Variants in MCF2L observed in about 807,000 individuals in gnomAD.
MCF2L encodes the protein MCF.2 cell line derived transforming sequence like.
MCF2L carries 97 observed loss-of-function variants against 153.4 expected under a neutral mutation model. The observed-to-expected ratio is 0.63, with a 90% CI of 0.54 to 0.75. MCF2L has a LOEUF of 0.75. Ranked by LOEUF, MCF2L falls within the 30% of genes least tolerant of loss-of-function variation. The pLI, the probability that MCF2L is intolerant of heterozygous loss-of-function variation, is 0.00. For missense variants in MCF2L, 1,347 were observed against 1,495.2 expected (o/e 0.90, Z 1.64); for synonymous variants, 659 against 632.2 (o/e 1.04, Z -0.64).
chr13:113,079,620 A>G (rs2033880917), intron 15 of MCF2L, among the ~76,000 whole-genome samples: 1 of 152,196 alleles, frequency 6.6e-6, no homozygotes, highest in Non-Finnish European at 1.5e-5. Context: ...ACGGCGCAAA[A>G]TTGGGAATTA....
rs146232056 is a variant in MCF2L at position 113,015,358 on chromosome 13, G to A, written c.163+512G>A. 2.6e-3 allele frequency among the ~76,000 whole-genome samples: 401 copies of A among 152,310 alleles called. 2 individuals are homozygous for A. Among genetic ancestry groups the A allele is most frequent in the African/African-American group, 8.9e-3 (371 of 41,568 alleles). ...AGTGGCCCCGAGCTATGTAGATGCC[G>A]TTCTTATGTGAACAAATCTGCCCAA... On this transcript the variant is annotated intron_variant, in intron 2 of 29. Coordinates refer to ENST00000535094, the MANE Select transcript of MCF2L (RefSeq NM_001112732.3).
intron 2 of MCF2L, among the ~76,000 whole-genome samples, chr13:113,018,875 A>G (rs2084703756): frequency 6.6e-6 from 1 of 152,116 alleles, no homozygotes. Context: ...GCTCTTGGGA[A>G]TTTCGTTTTG....
At chr13:112,920,955 C>T (rs1339461638) in intron 2 of MCF2L, among the ~76,000 whole-genome samples, 1 of 151,384 alleles carries the variant, frequency 6.6e-6, no homozygotes, top group African/African-American at 2.4e-5. Flanking sequence ...ATCACGAGGT[C>T]AGGAGATTGA....
chr13:113,088,590 G>A lies in MCF2L; in HGVS notation c.2796G>A (p.Gln932=), dbSNP rs1434684803. 3 of 1,610,118 alleles carry A rather than the reference G, an allele frequency of 1.9e-6. No individual in the cohort carries two copies. In the African/African-American group the frequency reaches 4.0e-5, roughly 21 times the overall value. Residue 932 remains glutamine, a synonymous_variant, in exon 25 of 30, where the codon CAG becomes CAA. Coordinates refer to ENST00000535094, the MANE Select transcript of MCF2L (RefSeq NM_001112732.3). ...CCAGCCAGCACCGGGCGCTGGAGCA[G>A]TCACAGAGCCTGCCCCTGCCGGCCC... ...REASQHRALE[Q]SQSLPLPAPT...
chr13:113,001,364 G>A (rs1487912345), intron 1 of MCF2L: 1 of 152,522 alleles, frequency 6.6e-6, no homozygotes, highest in Non-Finnish European at 1.5e-5. Flanking sequence ...GTGTTGCCAG[G>A]GGCAGAAGGC....
intron 23 of MCF2L, 110 bp downstream of exon 23, chr13:113,087,909 C>CTACAACTACACT (rs2034793050): frequency 1.5e-5 from 13 of 875,552 alleles, no homozygotes; most frequent in Non-Finnish European, 2.2e-5. Context: ...GGAGCAGCCG[C>CTACAACTACACT]TGTACACTTC....
chr13:112,900,378 G>T (rs984694616), intron 1 of MCF2L, among the ~76,000 whole-genome samples: 2 of 152,250 alleles, frequency 1.3e-5, no homozygotes, highest in African/African-American at 4.8e-5. Flanking sequence ...GTGGGCATGA[G>T]ATGCGCAGGC....
chr13:112,927,838 C>T (rs2081423454), intron 2 of MCF2L, among the ~76,000 whole-genome samples: 1 of 152,146 alleles, frequency 6.6e-6, no homozygotes, highest in African/African-American at 2.4e-5. Context: ...GACCTGGTTT[C>T]TCCAACAACA....
At chr13:112,973,934 C>T (rs2082133849) in intron 1 of MCF2L, among the ~76,000 whole-genome samples, 1 of 152,168 alleles carries the variant, frequency 6.6e-6, no homozygotes. Context: ...TCACGCTGCA[C>T]CTGTGCCTTG....
At chr13:113,087,166 C>T in intron 21 of MCF2L, 69 bp from the exon 22 acceptor site, 1 of 1,369,180 alleles carries the variant, frequency 7.3e-7, no homozygotes, top group East Asian at 2.4e-5. Flanking sequence ...GCTGCTTTCA[C>T]TCAGCGATGC....
chr13:113,067,340 T>G (rs12872128), intron 8 of MCF2L, among the ~76,000 whole-genome samples: 242 of 84,584 alleles, frequency 2.9e-3, no homozygotes, highest in South Asian at 5.9e-3. Context: ...TGCCAGCTAC[T>G]CGGAGGCAGA....
chr13:112,996,693 C>T (rs867726686), intron 1 of MCF2L, among the ~76,000 whole-genome samples: 1 of 152,216 alleles, frequency 6.6e-6, no homozygotes, highest in Non-Finnish European at 1.5e-5. Flanking sequence ...CCGAGACTGT[C>T]GTCCTCAGAT....
rs1157529602 is a variant in MCF2L, at chr13:113,087,411, G to A, written c.2550G>A (p.Glu850=). ...LFCKKREENG[E]GYEKAPSYSY... is the part of the protein sequence containing the mutation. ...GCAAGAAGAGGGAGGAGAATGGGGA[G>A]GGGTATGAGAAAGCTCCCTCCTACA... Residue 850 remains glutamate (E), a synonymous_variant, in exon 22 of 30, where the codon GAG becomes GAA. Coordinates refer to ENST00000535094, the MANE Select transcript of MCF2L (RefSeq NM_001112732.3). 1.2e-6 allele frequency: 2 copies of A among 1,613,100 alleles called. No individual in the cohort carries two copies. Among genetic ancestry groups the A allele is most frequent in the South Asian group, 2.2e-5 (2 of 91,054 alleles).
rs1445532574 is a variant in MCF2L at position 112,941,328 on chromosome 13, T to C, written c.169+38957T>C. On this transcript the variant is annotated intron_variant, in intron 2 of 29. Coordinates refer to the MCF2L transcript ENST00000375608. The surrounding 1 kb of genome is among the most constrained non-coding windows in gnomAD (Gnocchi z 4.9). ...AGCCATATATATATATTTCATATTA[T>C]ATATTATATATAATTCAAATAGAAA... 2.0e-5 allele frequency among the ~76,000 whole-genome samples: 3 copies of C among 148,914 alleles called. No homozygotes were observed. In the Admixed American group the frequency reaches 2.0e-4, roughly 10 times the overall value.
intron 2 of MCF2L, among the ~76,000 whole-genome samples, chr13:113,024,163 G>A (rs1373865840): frequency 6.6e-6 from 1 of 152,256 alleles, no homozygotes; most frequent in Non-Finnish European, 1.5e-5. Flanking sequence ...AGGCGCCAAT[G>A]TCGGAGAAGC....
At chr13:113,050,630 G>A (rs1331421777) in intron 4 of MCF2L, among the ~76,000 whole-genome samples, 1 of 133,394 alleles carries the variant, frequency 7.5e-6, no homozygotes, top group Non-Finnish European at 1.6e-5. Flanking sequence ...GCTCACCGTG[G>A]GGGCGGTGGG....
rs1328522131 is a variant in MCF2L, at chr13:112,998,436, C to T, written c.80-16327C>T. On this transcript the variant is annotated intron_variant, in intron 1 of 29. Transcript: ENST00000535094. ...GGCTGGGGACATTTCTGGAGGGTTC[C>T]GGAGGGTCCTGGAGGCCTCACCAAG... 6.6e-5 allele frequency among the ~76,000 whole-genome samples: 10 copies of T among 152,098 alleles called. No homozygotes were observed. The South Asian group carries it at 8.3e-4, about 13-fold the overall frequency.
Position 113,078,268 on chromosome 13 carries a change from C to T in MCF2L, c.1661-95C>T, listed in dbSNP as rs183868756. 1.6e-4 allele frequency: 167 copies of T among 1,019,554 alleles called. No homozygotes were observed. The Middle Eastern group carries it at 2.8e-3, about 17-fold the overall frequency. 63.2% of individuals were successfully genotyped at this position (1,019,554 alleles called of 1,614,324 possible). On this transcript the variant is annotated intron_variant, in intron 13 of 29. Coordinates refer to ENST00000535094, the MANE Select transcript of MCF2L (RefSeq NM_001112732.3). ...CACCTGTGGCCTCAGAGGCCGAGTC[C>T]TACCCTCTCCTCGGGGCCTTTTCCC...
intron 2 of MCF2L, among the ~76,000 whole-genome samples, chr13:112,938,189 G>T (rs1451394658): frequency 1.7e-5 from 2 of 118,742 alleles, no homozygotes; most frequent in Admixed American, 1.7e-4. Flanking sequence ...TGAGCGCTGA[G>T]GGGTTGGTTC....
Sources: allele counts gnomAD v4.1 joint callset (sites outside exome capture counted in the v4.1 genomes callset), GRCh38; gene constraint gnomAD v4.1.1; non-coding constraint Gnocchi (gnomAD v3.1); transcripts MANE v1.5; gene names NCBI Gene and HGNC (gene_info 2026-07-23, HGNC 2026-07-21).